The following CCNI2 variants were observed in gnomAD, a reference collection of about 807,000 sequenced individuals.
CCNI2 encodes cyclin-I2.
Under a neutral mutation model 33.2 loss-of-function variants are expected in CCNI2, and 32 were observed. The observed-to-expected ratio is 0.96, with a 90% CI of 0.73 to 1.30. The LOEUF (loss-of-function observed/expected upper bound fraction) is 1.30, where lower values mean the gene tolerates loss of function less well. CCNI2 is among the 50% of genes most tolerant of loss of function. The pLI, the probability that CCNI2 is intolerant of heterozygous loss-of-function variation, is 0.00. For missense variants in CCNI2, 452 were observed against 486.2 expected (o/e 0.93, Z 0.66); for synonymous variants, 231 against 219.9 (o/e 1.05, Z -0.45).
At position 132,754,303 on chromosome 5, in the gene CCNI2, C is replaced by G; in HGVS notation, c.*1333C>G. 1 of 675,364 alleles carries G rather than the reference C, an allele frequency of 1.5e-6. No individual in the cohort carries two copies. The highest frequency in any genetic ancestry group is 2.7e-6 in the Non-Finnish European group (1 of 364,796). The allele number at this position is 675,364 out of a possible 1,614,324, so 41.8% of individuals were successfully genotyped here. On this transcript the variant is annotated 3_prime_UTR_variant, in exon 6 of 6. Transcript: ENST00000378731. ...ATTTTACAGATGGAGATGCTGAGGCCATGCTGCTCACAGCTTCCAGTGGTG... is the reference window on the plus strand; with the variant it reads ...ATTTTACAGATGGAGATGCTGAGGCGATGCTGCTCACAGCTTCCAGTGGTG...
intron 4 of CCNI2, 127 bp from the exon 5 acceptor site, chr5:132,751,839 A>G: frequency 1.8e-6 from 2 of 1,137,732 alleles, no homozygotes; most frequent in Non-Finnish European, 2.5e-6. Flanking sequence ...AGCCATGGAT[A>G]GGAATGAAAA....
In CCNI2 at chr5:132,748,239, T is replaced by A. The variant is rs570388747; in HGVS notation, c.430-108T>A. On this transcript the variant is annotated intron_variant, in intron 1 of 5. Transcript: ENST00000378731. ...CCAGCGGGCATGCAGAGGAAGGGAC[T>A]TCTCACTGCCCCACCCCCCGCACCT... The A allele has an allele frequency of 2.4e-5, 35 of 1,457,282 alleles. No individual in the cohort carries two copies. In the African/African-American group the frequency reaches 4.8e-4, roughly 20 times the overall value. The allele number at this position is 1,457,282 out of a possible 1,614,324, so 90.3% of individuals were successfully genotyped here.
rs1323516863 is a variant in CCNI2, at chr5:132,748,345, A to G, written c.430-2A>G. The G allele has an allele frequency of 3.1e-6, 5 of 1,613,944 alleles. No individual in the cohort carries two copies. Among genetic ancestry groups the G allele is most frequent in the South Asian group, 1.1e-5 (1 of 91,076 alleles). On this transcript the variant is annotated splice_acceptor_variant, in intron 1 of 5. Coordinates refer to ENST00000378731, the MANE Select transcript of CCNI2 (RefSeq NM_001039780.4). LOFTEE classifies it high-confidence loss of function. The stretch of plus-strand genomic sequence containing the variant: ...CGCCCCACCTGCTCTTCTTCCTAGC[A>G]GGATGAAATCTGCGACGCCTTCGAG...
At chr5:132,749,703 CCT>C (rs1284644754) in intron 3 of CCNI2, among the ~76,000 whole-genome samples, 1 of 152,144 alleles carries the variant, frequency 6.6e-6, no homozygotes, top group Non-Finnish European at 1.5e-5. Context: ...ACAGATGCTA[CCT>C]CTCTCTAAAC....
rs899276669 is a variant in CCNI2 at position 132,747,929 on chromosome 5, C to A, written c.429+5C>A. ...TGGCGGGGCGGCAAACCCCAGGTAC[C>A]CGTCGCTGCCGCGTGGCCCTCCTCG... is the stretch of plus-strand genomic sequence containing the variant. On this transcript the variant is annotated splice_donor_5th_base_variant and intron_variant, in intron 1 of 5. Transcript: ENST00000378731. The surrounding 1 kb of genome is among the most constrained non-coding windows in gnomAD (Gnocchi z 4.1). The A allele has an allele frequency of 2.2e-6, 3 of 1,372,354 alleles. No individual in the cohort carries two copies. In the African/African-American group the frequency reaches 4.6e-5, roughly 21 times the overall value. The allele number at this position is 1,372,354 out of a possible 1,614,324, so 85.0% of individuals were successfully genotyped here. A position where few individuals can be genotyped will look rare whatever the true frequency, so the allele number is the denominator to read the frequency against.
chr5:132,754,642 A>G, downstream of CCNI2: 1 of 623,032 alleles, frequency 1.6e-6, no homozygotes, highest in Non-Finnish European at 2.9e-6. Context: ...GTATTGCCGA[A>G]GTCCCACTCG....
chr5:132,755,015 C>T (rs1755203836), downstream of CCNI2, among the ~76,000 whole-genome samples: 1 of 152,142 alleles, frequency 6.6e-6, no homozygotes, highest in South Asian at 2.1e-4. Flanking sequence ...TGAGCCAAGT[C>T]ATTTGATGAT....
Position 132,752,731 on chromosome 5 carries a change from G to T in CCNI2, c.1006-135G>T, listed in dbSNP as rs1156519396. ...GTTGGAAATGGATGTCCCTGAGATG[G>T]TAGGATTAGTGGTCCTTAGTTGGGT... On this transcript the variant is annotated intron_variant, in intron 5 of 5. Coordinates refer to ENST00000378731, the MANE Select transcript of CCNI2 (RefSeq NM_001039780.4). The T allele has an allele frequency of 3.5e-5, 23 of 659,990 alleles. No individual in the cohort carries two copies. The Admixed American group carries it at 3.7e-4, about 11-fold the overall frequency. The allele number at this position is 659,990 out of a possible 1,614,324, so 40.9% of individuals were successfully genotyped here. A position where few individuals can be genotyped will look rare whatever the true frequency, so the allele number is the denominator to read the frequency against.
chr5:132,754,267 G>A lies in CCNI2; in HGVS notation c.*1297G>A, dbSNP rs1313996961. 2 of 638,196 alleles carry A rather than the reference G, an allele frequency of 3.1e-6. No individual in the cohort carries two copies. The highest frequency in any genetic ancestry group is 5.0e-5 in the Admixed American group (2 of 39,636). The allele number at this position is 638,196 out of a possible 1,614,324, so 39.5% of individuals were successfully genotyped here. On this transcript the variant is annotated 3_prime_UTR_variant, in exon 6 of 6. Transcript: ENST00000378731. The stretch of plus-strand genomic sequence containing the variant: ...AGGTCATATCAAGAACTCTCCTCTA[G>A]TCCAGAACCCATTTTACAGATGGAG...
chr5:132,751,034 T>A, intron 4 of CCNI2, 37 bp downstream of exon 4: 1 of 1,604,552 alleles, frequency 6.2e-7, no homozygotes, highest in East Asian at 2.2e-5. Context: ...TACCCTAAAC[T>A]CGTTTGTGCC....
chr5:132,748,954 A>G (rs963523550), intron 2 of CCNI2, among the ~76,000 whole-genome samples: 5 of 152,208 alleles, frequency 3.3e-5, no homozygotes, highest in African/African-American at 1.2e-4. Flanking sequence ...AATGGGAAAA[A>G]AAAGCTTATT....
Position 132,753,970 on chromosome 5 carries a change from T to A in CCNI2, c.*1000T>A, listed in dbSNP as rs954924338. 1 of 150,232 alleles carries A rather than the reference T, an allele frequency of 6.7e-6. No individual in the cohort carries two copies. The highest frequency in any genetic ancestry group is 2.5e-5 in the African/African-American group (1 of 40,344). 9.3% of individuals were successfully genotyped at this position (150,232 alleles called of 1,614,324 possible). A position where few individuals can be genotyped will look rare whatever the true frequency, so the allele number is the denominator to read the frequency against. ...TGTGAACTATGGTTTTTTTTTTTTT[T>A]TTTTTTTTTTGGTGTGTTTGTGTAA... is the stretch of plus-strand genomic sequence containing the variant. On this transcript the variant is annotated 3_prime_UTR_variant, in exon 6 of 6. Coordinates refer to ENST00000378731, the MANE Select transcript of CCNI2 (RefSeq NM_001039780.4).
intron 3 of CCNI2, among the ~76,000 whole-genome samples, chr5:132,749,965 G>A (rs572514197): frequency 2.0e-4 from 30 of 152,194 alleles, no homozygotes; most frequent in Non-Finnish European, 3.8e-4. Flanking sequence ...ATCTGTTCAG[G>A]AGGAGATCAT....
Position 132,752,067 on chromosome 5 carries a change from C to G in CCNI2, c.876C>G (p.His292Gln), listed in dbSNP as rs1392049458. The G allele has an allele frequency of 6.2e-7, 1 of 1,609,304 alleles. No homozygotes were observed. Among genetic ancestry groups the G allele is most frequent in the Non-Finnish European group, 8.5e-7 (1 of 1,177,936 alleles). The change falls in exon 5 of 6, where the codon CAC becomes CAG. Residue 292 changes from histidine to glutamine, a missense_variant. By Grantham distance (24) the His-to-Gln change is conservative. Transcript: ENST00000378731. ...HVASLTRQLQ[H>Q]CMAGHQLLQF... ...CATCCCTGACCAGGCAGCTGCAGCA[C>G]TGTATGGCGGGCCACCAGCTGCTGC...
chr5:132,750,790 T>C (rs1005774060), intron 3 of CCNI2, 67 bp from the exon 4 acceptor site: 61 of 1,540,338 alleles, frequency 4.0e-5, no homozygotes, highest in Non-Finnish European at 4.8e-5. Flanking sequence ...CCAGTCCCCA[T>C]GGGTAAGAAA....
intron 4 of CCNI2, 147 bp downstream of exon 4, chr5:132,751,144 C>T (rs1216689837): frequency 1.1e-5 from 9 of 783,114 alleles, no homozygotes; most frequent in South Asian, 2.3e-5. Flanking sequence ...TCATGACATA[C>T]GGAAGAGTGA....
At chr5:132,751,752 C>CTTT in intron 4 of CCNI2, 11 of 546,316 alleles carry the variant, frequency 2.0e-5, no homozygotes, top group South Asian at 7.2e-5. Flanking sequence ...ACAAAGCAGA[C>CTTT]TTTTTTTTTT....
rs1477096953 is a variant in CCNI2, at chr5:132,753,955, G to GGT, written c.*986_*987dup. On this transcript the variant is annotated 3_prime_UTR_variant, in exon 6 of 6. Coordinates refer to ENST00000378731, the MANE Select transcript of CCNI2 (RefSeq NM_001039780.4). ...TGTGAAGTCTTCCACTGTGAACTATGGTTTTTTTTTTTTTTTTTTTTTTTT... is the reference window on the plus strand; with the variant it reads ...TGTGAAGTCTTCCACTGTGAACTATGGTGTTTTTTTTTTTTTTTTTTTTTTTT... The GGT allele has an allele frequency of 7.2e-5, 8 of 111,684 alleles. No individual in the cohort carries two copies. Among genetic ancestry groups the GGT allele is most frequent in the African/African-American group, 4.8e-4 (8 of 16,840 alleles). 6.9% of individuals were successfully genotyped at this position (111,684 alleles called of 1,614,324 possible).
chr5:132,747,830 A>G lies in CCNI2; in HGVS notation c.335A>G (p.Asn112Ser), dbSNP rs1466329851. The part of the protein sequence containing the change: ...RPAPQSRKPR[N>S]LEGDLDERRL... ...GCTCCACAGTCCCGCAAGCCGCGCA[A>G]CCTGGAAGGCGACCTGGACGAGCGC... The change falls in exon 1 of 6, where the codon AAC (asparagine) becomes AGC (serine). Residue 112 changes from asparagine to serine, a missense_variant. Transcript: ENST00000378731. The surrounding 1 kb of genome is among the most constrained non-coding windows in gnomAD (Gnocchi z 4.1). The G allele has an allele frequency of 6.8e-7, 1 of 1,480,746 alleles. No individual in the cohort carries two copies. Among genetic ancestry groups the G allele is most frequent in the Admixed American group, 2.3e-5 (1 of 42,746 alleles). The allele number at this position is 1,480,746 out of a possible 1,614,324, so 91.7% of individuals were successfully genotyped here.
Sources: allele counts gnomAD v4.1 joint callset (sites outside exome capture counted in the v4.1 genomes callset), GRCh38; gene constraint gnomAD v4.1.1; non-coding constraint Gnocchi (gnomAD v3.1); transcripts MANE v1.5; gene names NCBI Gene and HGNC (gene_info 2026-07-23, HGNC 2026-07-21).